The following STARD4 variants were observed in gnomAD, a reference collection of about 807,000 sequenced individuals.
STARD4 encodes the protein stAR-related lipid transfer protein 4.
In STARD4, 33 loss-of-function variants were observed where a neutral mutation model predicts 24.9. The ratio of observed to expected loss-of-function variants is 1.32; its 90% confidence interval spans 1.00 to 1.77. The LOEUF is 1.77. Among genes scored for constraint, STARD4 ranks in the 40% most tolerant of loss-of-function variants. STARD4 has a pLI of 0.00. For missense variants in STARD4, 238 were observed against 249.3 expected (o/e 0.95, Z 0.31); for synonymous variants, 88 against 77.4 (o/e 1.14, Z -0.72).
At chr5:111,506,401 A>T (rs555759618) in intron 2 of STARD4, 22 bp from the exon 3 acceptor site, 2 of 1,270,630 alleles carry the variant, frequency 1.6e-6, no homozygotes, top group East Asian at 4.8e-5. Flanking sequence ...AAAACATTAT[A>T]TGGTAATAAT....
In STARD4 at chr5:111,498,008, G is replaced by A. The variant is rs1220697292; in HGVS notation, c.*1878C>T. On this transcript the variant is annotated 3_prime_UTR_variant, in exon 6 of 6. Transcript: ENST00000296632. ...TCCAGATTGTGCTGATGGCTGCATA[G>A]TTCTACATATGTATTAAAACATCAC... The A allele has an allele frequency of 6.6e-6, 1 of 152,032 alleles. No individual in the cohort carries two copies. The highest frequency in any genetic ancestry group is 6.6e-5 in the Admixed American group (1 of 15,264). 9.4% of individuals were successfully genotyped at this position (152,032 alleles called of 1,614,324 possible). A position where few individuals can be genotyped will look rare whatever the true frequency, so the allele number is the denominator to read the frequency against.
In STARD4 at chr5:111,501,075, C is replaced by T. The variant is rs1756411269; in HGVS notation, c.324G>A (p.Trp108Ter). 6.2e-7 allele frequency: 1 copy of T among 1,611,320 alleles called. No individual in the cohort carries two copies. ...CAAATTCTCTTGGGGAAATTATATT[C>T]CAAAGCTGACCAGCAGTAGTGTAAC... ...VMRYTTAGQL[W>*]NIISPREFVD... Residue 108 changes from tryptophan (W) to a stop codon, truncating the protein, a stop_gained, in exon 5 of 6, where the codon TGG (tryptophan) becomes TGA (stop). Transcript: ENST00000296632. LOFTEE classifies it high-confidence loss of function.
intron 4 of STARD4, 102 bp from the exon 5 acceptor site, chr5:111,501,218 A>G (rs1209228177): frequency 1.4e-5 from 17 of 1,192,522 alleles, no homozygotes; most frequent in Non-Finnish European, 1.8e-5. Flanking sequence ...TTTATTTAAA[A>G]TGTTTCATAA....
intron 5 of STARD4, 160 bp from the exon 6 acceptor site, chr5:111,500,266 C>G (rs1756335732): frequency 7.4e-7 from 1 of 1,346,712 alleles, no homozygotes; most frequent in Non-Finnish European, 9.5e-7. Context: ...AAGAGACTTA[C>G]CAAGGAGAAT....
chr5:111,508,723 A>C (rs1757038506), intron 1 of STARD4, among the ~76,000 whole-genome samples: 1 of 152,178 alleles, frequency 6.6e-6, no homozygotes, highest in Non-Finnish European at 1.5e-5. Context: ...CCAGTGCCAA[A>C]TAGTCTAATT....
intron 3 of STARD4, among the ~76,000 whole-genome samples, chr5:111,503,479 A>C (rs1756619464): frequency 6.6e-6 from 1 of 152,066 alleles, no homozygotes. Context: ...AAATACAAAA[A>C]TTAGCTGGGT....
chr5:111,501,040 G>C lies in STARD4; in HGVS notation c.359C>G (p.Ser120Cys), dbSNP rs756073053. 6.2e-7 allele frequency: 1 copy of C among 1,613,386 alleles called. No individual in the cohort carries two copies. The highest frequency in any genetic ancestry group is 1.1e-5 in the South Asian group (1 of 90,988). Residue 120 changes from serine to cysteine, a missense_variant, in exon 5 of 6, where the codon TCC becomes TGC. Physicochemically the swap from Ser to Cys is moderately radical, Grantham distance 112. Coordinates refer to ENST00000296632, the MANE Select transcript of STARD4 (RefSeq NM_139164.3). ...IISPREFVDF[S>C]YTVGYKEGLL... ...CCCTTCTTTATAGCCCACAGTATAG[G>C]AGAAATCAACAAATTCTCTTGGGGA...
chr5:111,507,622 A>G lies in STARD4; in HGVS notation c.-9-180T>C, dbSNP rs79224511. 0.016 allele frequency among the ~76,000 whole-genome samples: 2,403 copies of G among 152,232 alleles called. 31 individuals are homozygous for G. The highest frequency in any genetic ancestry group is 0.031 in the South Asian group (148 of 4,824). On this transcript the variant is annotated intron_variant, in intron 1 of 5. Coordinates refer to ENST00000296632, the MANE Select transcript of STARD4 (RefSeq NM_139164.3). This position sits in a 1 kb window ranked among gnomAD's most constrained non-coding sequence, Gnocchi z 4.4. The stretch of plus-strand genomic sequence containing the variant: ...AGGACCCGGGCATAGTTTTTTTCTA[A>G]TTGCTCCCAAGATGAATAACCCATA...
intron 4 of STARD4, among the ~76,000 whole-genome samples, chr5:111,501,658 G>A (rs1756461730): frequency 1.3e-5 from 2 of 152,190 alleles, no homozygotes; most frequent in South Asian, 4.1e-4. Flanking sequence ...GGTGTTTTCA[G>A]AATTTTAGAT....
In STARD4 at chr5:111,502,086, T is replaced by C; in HGVS notation, c.158A>G (p.Tyr53Cys). 3 of 1,608,332 alleles carry C rather than the reference T, an allele frequency of 1.9e-6. No individual in the cohort carries two copies. The highest frequency in any genetic ancestry group is 2.2e-5 in the South Asian group (2 of 90,218). Residue 53 changes from tyrosine to cysteine, a missense_variant and splice_region_variant, in exon 4 of 6, where the codon TAC becomes TGC. Coordinates refer to ENST00000296632, the MANE Select transcript of STARD4 (RefSeq NM_139164.3). ...GTCATCTATAACACCTTGGGCTTTGTAGCTGGAGAAAAAAAGTTTAAGTCA... is the reference window on the plus strand; with the variant it reads ...GTCATCTATAACACCTTGGGCTTTGCAGCTGGAGAAAAAAAGTTTAAGTCA... ...KPSEEFNGYL[Y>C]KAQGVIDDLV... is the part of the protein sequence containing the mutation.
intron 4 of STARD4, 77 bp from the exon 5 acceptor site, chr5:111,501,193 G>A (rs1187767679): frequency 5.8e-5 from 78 of 1,347,626 alleles, no homozygotes; most frequent in Non-Finnish European, 7.4e-5. Flanking sequence ...ACTTATCTCT[G>A]GAAAGAAACT....
At position 111,496,300 on chromosome 5, in the gene STARD4, T is replaced by C. The variant is rs903688652; in HGVS notation, c.*3586A>G. The C allele has an allele frequency of 4.5e-4, 68 of 152,214 alleles. No homozygotes were observed. The highest frequency in any genetic ancestry group is 1.6e-3 in the African/African-American group (67 of 41,548). The allele number at this position is 152,214 out of a possible 1,614,324, so 9.4% of individuals were successfully genotyped here. ...AAAAATTATAGTTCCAACTTCCTGT[T>C]TTTTGAAATTATTCTGATGTTTCTT... On this transcript the variant is annotated 3_prime_UTR_variant, in exon 6 of 6. Transcript: ENST00000296632.
Position 111,507,501 on chromosome 5 carries a change from T to A in STARD4, c.-9-59A>T. The A allele has an allele frequency of 2.3e-6, 3 of 1,323,634 alleles. No individual in the cohort carries two copies. The South Asian group carries it at 3.8e-5, about 17-fold the overall frequency. The allele number at this position is 1,323,634 out of a possible 1,614,324, so 82.0% of individuals were successfully genotyped here. A position where few individuals can be genotyped will look rare whatever the true frequency, so the allele number is the denominator to read the frequency against. On this transcript the variant is annotated intron_variant, in intron 1 of 5. Coordinates refer to ENST00000296632, the MANE Select transcript of STARD4 (RefSeq NM_139164.3). This position sits in a 1 kb window ranked among gnomAD's most constrained non-coding sequence, Gnocchi z 4.4. Reference sequence around the variant, plus strand: ...ACCACAGTTTGAGGCAATAGGCCAGTGGGTCTCGAATCTGGTTTCACAATA... The same window carrying A: ...ACCACAGTTTGAGGCAATAGGCCAGAGGGTCTCGAATCTGGTTTCACAATA...
chr5:111,502,068 A>G lies in STARD4; in HGVS notation c.176T>C (p.Ile59Thr), dbSNP rs532561915. Residue 59 changes from isoleucine to threonine, a missense_variant, in exon 4 of 6, where the codon ATA (isoleucine) becomes ACA (threonine). Coordinates refer to ENST00000296632, the MANE Select transcript of STARD4 (RefSeq NM_139164.3). Reference sequence around the variant, plus strand: ...TATTATACTATAGACAAGGTCATCTATAACACCTTGGGCTTTGTAGCTGGA... The same window carrying G: ...TATTATACTATAGACAAGGTCATCTGTAACACCTTGGGCTTTGTAGCTGGA... ...NGYLYKAQGVIDDLVYSIIDH... is the reference protein window; with the variant it reads ...NGYLYKAQGVTDDLVYSIIDH... 8 of 1,613,344 alleles carry G rather than the reference A, an allele frequency of 5.0e-6. No individual in the cohort carries two copies. The highest frequency in any genetic ancestry group is 6.8e-6 in the Non-Finnish European group (8 of 1,179,838).
chr5:111,509,975 T>G (rs962666326), intron 1 of STARD4, among the ~76,000 whole-genome samples: 27 of 152,140 alleles, frequency 1.8e-4, no homozygotes, highest in Non-Finnish European at 1.5e-5. Flanking sequence ...ATTCCACCCT[T>G]AAGCTTTAAC....
chr5:111,507,378 A>T lies in STARD4; in HGVS notation c.56T>A (p.Ile19Asn). The T allele has an allele frequency of 6.2e-7, 1 of 1,613,706 alleles. No homozygotes were observed. Among genetic ancestry groups the T allele is most frequent in the Non-Finnish European group, 8.5e-7 (1 of 1,179,820 alleles). ...ATCTTCTTCAATGCTATGGTACTGG[A>T]TGAGAGTGTTTTTAAGTTTAGTTGC... ...SFATKLKNTL[I>N]QYHSIEEDKW... Residue 19 changes from isoleucine to asparagine, a missense_variant, in exon 2 of 6, where the codon ATC becomes AAC. Ile to Asn is a moderately radical substitution (Grantham distance 149). Coordinates refer to ENST00000296632, the MANE Select transcript of STARD4 (RefSeq NM_139164.3). The surrounding 1 kb of genome is among the most constrained non-coding windows in gnomAD (Gnocchi z 4.4).
Position 111,498,705 on chromosome 5 carries a change from A to G in STARD4, c.*1181T>C, listed in dbSNP as rs1055088561. ...ATCCTTTGTGCATTCCTTCTGTCAG[A>G]TCTTGATCAATCTAGATACTATGAG... On this transcript the variant is annotated 3_prime_UTR_variant, in exon 6 of 6. Coordinates refer to ENST00000296632, the MANE Select transcript of STARD4 (RefSeq NM_139164.3). 2.0e-5 allele frequency: 3 copies of G among 152,150 alleles called. No homozygotes were observed. The highest frequency in any genetic ancestry group is 7.2e-5 in the African/African-American group (3 of 41,438). The allele number at this position is 152,150 out of a possible 1,614,324, so 9.4% of individuals were successfully genotyped here.
chr5:111,503,951 A>G (rs1448242534), intron 3 of STARD4, among the ~76,000 whole-genome samples: 1 of 152,212 alleles, frequency 6.6e-6, no homozygotes, highest in East Asian at 1.9e-4. Context: ...TGCAAAGGAC[A>G]TGGTAAGACT....
chr5:111,500,980 C>G, intron 5 of STARD4, 22 bp downstream of exon 5: 1 of 1,613,532 alleles, frequency 6.2e-7, no homozygotes, highest in South Asian at 1.1e-5. Flanking sequence ...TGAAAAAAAG[C>G]ATAACATGTT....
Sources: gnomAD v4.1 joint callset for allele counts (sites outside exome capture counted in the v4.1 genomes callset) on GRCh38, gnomAD v4.1.1 for gene constraint, Gnocchi (gnomAD v3.1) non-coding constraint, MANE v1.5 for transcripts, NCBI Gene and HGNC (gene_info 2026-07-23, HGNC 2026-07-21) for gene names.